Variants in DYSF observed in about 807,000 individuals in gnomAD.
DYSF encodes dysferlin, also known as dystrophy-associated fer-1-like 1.
DYSF carries 212 observed loss-of-function variants against 274.9 expected under a neutral mutation model. The ratio of observed to expected loss-of-function variants is 0.77; its 90% CI spans 0.69 to 0.86. DYSF has a LOEUF of 0.86. Ranked by LOEUF, DYSF falls within the 40% of genes least tolerant of loss-of-function variation. The pLI is 0.00. For missense variants in DYSF, 2,666 were observed against 2,783.2 expected, an observed-to-expected ratio of 0.96 and a Z score of 0.95; for synonymous variants, 1,091 against 1,078.7, an observed-to-expected ratio of 1.01 and a Z score of -0.22.
intron 30 of DYSF, among the ~76,000 whole-genome samples, chr2:71,586,381 G>A (rs2093069360): frequency 6.6e-6 from 1 of 152,132 alleles, no homozygotes; most frequent in Non-Finnish European, 1.5e-5. Flanking sequence ...CAGCACTTGG[G>A]TGGCAGATGG....
chr2:71,644,921 A>G (rs749997918), intron 42 of DYSF, among the ~76,000 whole-genome samples: 4 of 151,178 alleles, frequency 2.6e-5, no homozygotes, highest in Non-Finnish European at 5.9e-5. Flanking sequence ...GAAACAGGAA[A>G]AGTTCCCTTA....
intron 41 of DYSF, among the ~76,000 whole-genome samples, chr2:71,637,485 G>T (rs1011397390): frequency 3.9e-5 from 6 of 152,190 alleles, no homozygotes; most frequent in African/African-American, 7.2e-5. Flanking sequence ...GGTGCTAGAG[G>T]GCTGGGGAGA....
intron 36 of DYSF, among the ~76,000 whole-genome samples, 155 bp downstream of exon 36, chr2:71,602,960 T>C (rs1389513754): frequency 6.6e-6 from 1 of 152,194 alleles, no homozygotes; most frequent in Non-Finnish European, 1.5e-5. Context: ...ATGCTGTGTG[T>C]GGATTCAGGG....
chr2:71,669,280 C>A, intron 50 of DYSF, 73 bp downstream of exon 50: 3 of 1,292,720 alleles, frequency 2.3e-6, no homozygotes, highest in Non-Finnish European at 3.3e-6. Context: ...GTGCACAGCA[C>A]GGGGGGCTCT....
intron 30 of DYSF, among the ~76,000 whole-genome samples, chr2:71,580,822 T>A (rs890183658): frequency 6.6e-6 from 1 of 152,228 alleles, no homozygotes; most frequent in Non-Finnish European, 1.5e-5. Flanking sequence ...ACCCTGCATC[T>A]GTCTCGCTCA....
chr2:71,601,020 C>T (rs958380789), intron 34 of DYSF, among the ~76,000 whole-genome samples, 178 bp downstream of exon 34: 1 of 152,240 alleles, frequency 6.6e-6, no homozygotes, highest in East Asian at 1.9e-4. Context: ...TCAGGAATGT[C>T]TGAGTCCTCT....
intron 41 of DYSF, among the ~76,000 whole-genome samples, chr2:71,635,142 G>A (rs1055389910): frequency 6.6e-6 from 1 of 152,174 alleles, no homozygotes; most frequent in Admixed American, 6.5e-5. Context: ...TGTACACTTT[G>A]GAGCTGACCT....
intron 29 of DYSF, 147 bp from the exon 30 acceptor site, chr2:71,574,051 C>A (rs1340881003): frequency 1.1e-6 from 1 of 949,184 alleles, no homozygotes; most frequent in Non-Finnish European, 1.6e-6. Flanking sequence ...CTCTAGGTGG[C>A]CCTCCCAGGT....
intron 44 of DYSF, 109 bp from the exon 45 acceptor site, chr2:71,660,451 A>G (rs2094858160): frequency 1.1e-6 from 1 of 940,150 alleles, no homozygotes; most frequent in Admixed American, 1.8e-5. Flanking sequence ...CCCACATCTC[A>G]ACTTCCTGAT....
chr2:71,582,665 A>G (rs982799304), intron 30 of DYSF, among the ~76,000 whole-genome samples: 37 of 152,200 alleles, frequency 2.4e-4, no homozygotes, highest in African/African-American at 6.8e-4. Flanking sequence ...CTCCAGAACA[A>G]AACAAAACAA....
Position 71,480,994 on chromosome 2 carries a change from G to A in DYSF, c.147+56G>A, listed in dbSNP as rs534128297. ...CTGTCTGCTGCAGTTGTGTCTGCAG[G>A]GACAAGTTAGGGGGCTTGTGGAGGA... On this transcript the variant is annotated intron_variant, in intron 2 of 55. Transcript: ENST00000410020. The A allele has an allele frequency of 5.2e-6, 8 of 1,537,280 alleles. No homozygotes were observed. The East Asian group carries it at 1.1e-4, about 22-fold the overall frequency.
intron 24 of DYSF, 125 bp from the exon 25 acceptor site, chr2:71,567,826 G>T (rs984708325): frequency 2.9e-5 from 40 of 1,399,098 alleles, no homozygotes; most frequent in Non-Finnish European, 3.6e-5. Context: ...TCCCACAGGG[G>T]ACACTCCCAG....
In DYSF at chr2:71,556,034, G is replaced by A. The variant is rs2091312310; in HGVS notation, c.2179G>A (p.Val727Met). 5.7e-6 allele frequency: 9 copies of A among 1,578,700 alleles called. No individual in the cohort carries two copies. Among genetic ancestry groups the A allele is most frequent in the Non-Finnish European group, 7.7e-6 (9 of 1,163,054 alleles). ...QCSTEDVDSLVAQLTDELIAG... is the reference protein window; with the variant it reads ...QCSTEDVDSLMAQLTDELIAG... ...CTCCACGGAGGACGTGGACTCGCTGGTGGCTCAGCTGACGGATGAGCTCAT... is the reference window on the plus strand; with the variant it reads ...CTCCACGGAGGACGTGGACTCGCTGATGGCTCAGCTGACGGATGAGCTCAT... Residue 727 changes from valine to methionine, a missense_variant, in exon 22 of 56, where the codon GTG (valine) becomes ATG (methionine). Transcript: ENST00000410020.
chr2:71,461,220 A>T (rs2081273499), intron 1 of DYSF, among the ~76,000 whole-genome samples: 1 of 152,178 alleles, frequency 6.6e-6, no homozygotes, highest in African/African-American at 2.4e-5. Flanking sequence ...GCTAATAGTT[A>T]TTCCTGACCA....
intron 26 of DYSF, 103 bp from the exon 27 acceptor site, chr2:71,569,717 T>G: frequency 1.1e-6 from 1 of 944,512 alleles, no homozygotes; most frequent in Non-Finnish European, 1.7e-6. Flanking sequence ...CATTGTTGGT[T>G]GGGGTGAGGC....
intron 42 of DYSF, among the ~76,000 whole-genome samples, chr2:71,651,824 C>T (rs1479871795): frequency 6.6e-6 from 1 of 151,978 alleles, no homozygotes; most frequent in African/African-American, 2.4e-5. Flanking sequence ...TGCTTCATTC[C>T]AGGAATATAA....
intron 17 of DYSF, chr2:71,549,256 G>C: frequency 7.9e-7 from 1 of 1,259,062 alleles, no homozygotes; most frequent in Non-Finnish European, 1.1e-6. Context: ...CCATCTGTCT[G>C]CCTGCCAGCT....
chr2:71,670,591 C>T (rs1193828336), intron 51 of DYSF, among the ~76,000 whole-genome samples: 2 of 152,254 alleles, frequency 1.3e-5, no homozygotes, highest in Admixed American at 1.3e-4. Context: ...CCTAGGGAGA[C>T]CTGGCTTGCA....
chr2:71,652,738 C>T (rs187565820), intron 42 of DYSF, among the ~76,000 whole-genome samples: 3 of 152,190 alleles, frequency 2.0e-5, no homozygotes, highest in Admixed American at 1.3e-4. Flanking sequence ...CATCAGGTAA[C>T]GAAACAGGTT....
Sources: allele counts gnomAD v4.1 joint callset (sites outside exome capture counted in the v4.1 genomes callset), GRCh38; gene constraint gnomAD v4.1.1; transcripts MANE v1.5; gene names NCBI Gene and HGNC (gene_info 2026-07-23, HGNC 2026-07-21).